NAV1: variants seen among roughly 807,000 people sequenced by gnomAD.
The protein encoded by NAV1 is pore membrane and/or filament interacting like protein 3.
In NAV1, 18 loss-of-function variants were observed where a neutral mutation model predicts 175.2. The ratio of observed to expected loss-of-function variants is 0.10; its 90% CI spans 0.07 to 0.15. The LOEUF is 0.15. Ranked by LOEUF, NAV1 falls within the 10% of genes least tolerant of loss-of-function variation. NAV1 has a pLI of 1.00. For synonymous variants in NAV1, 897 were observed against 978.7 expected, an observed-to-expected ratio of 0.92 and a Z score of 1.56; for missense variants, 1,731 against 2,436.6, an observed-to-expected ratio of 0.71 and a Z score of 6.10.
Position 201,671,917 on chromosome 1 carries a change from G to A in NAV1, c.757+22492G>A, listed in dbSNP as rs183877906. Among the ~76,000 whole-genome samples the A allele has an allele frequency of 2.0e-5, 3 of 152,290 alleles. No individual in the cohort carries two copies. The East Asian group carries it at 5.8e-4, about 29-fold the overall frequency. ...TCCACAAGGAGCAGGCCCAGCTTAGGGTAAAATGTCAGAGATATAAGACTC... is the reference window on the plus strand; with the variant it reads ...TCCACAAGGAGCAGGCCCAGCTTAGAGTAAAATGTCAGAGATATAAGACTC... On this transcript the variant is annotated intron_variant, in intron 1 of 29. Coordinates refer to ENST00000367296, the Ensembl canonical transcript of NAV1.
intron 1 of NAV1, among the ~76,000 whole-genome samples, chr1:201,672,254 G>T (rs1175636304): frequency 6.6e-6 from 1 of 152,148 alleles, no homozygotes; most frequent in Non-Finnish European, 1.5e-5. Flanking sequence ...ATATATTTAA[G>T]TTTTTTGTAT....
intron 3 of NAV1, chr1:201,724,591 A>G (rs1672523985): frequency 6.6e-6 from 1 of 152,466 alleles, no homozygotes; most frequent in Admixed American, 6.5e-5. Context: ...TTCACATTAC[A>G]TAGAGGTGTG....
At chr1:201,576,629 C>T (rs1033071286) in intron 1 of NAV1, among the ~76,000 whole-genome samples, 1 of 152,002 alleles carries the variant, frequency 6.6e-6, no homozygotes, top group Admixed American at 6.6e-5. Context: ...TTTGTGTGAA[C>T]ATAACTCTTC....
chr1:201,581,444 G>A (rs1666856075), intron 1 of NAV1, among the ~76,000 whole-genome samples: 1 of 152,238 alleles, frequency 6.6e-6, no homozygotes, highest in South Asian at 2.1e-4. Flanking sequence ...GAGCATCCCA[G>A]TAAGGATGTC....
At chr1:201,669,310 G>C (rs1052402592) in intron 1 of NAV1, among the ~76,000 whole-genome samples, 8 of 152,220 alleles carry the variant, frequency 5.3e-5, no homozygotes, top group Non-Finnish European at 7.3e-5. Flanking sequence ...GGCTGGGCCA[G>C]GGAGGGCTTC....
chr1:201,649,715 C>T (rs1480163781), intron 1 of NAV1, among the ~76,000 whole-genome samples: 1 of 152,194 alleles, frequency 6.6e-6, no homozygotes, highest in African/African-American at 2.4e-5. Flanking sequence ...GGGTTACAGG[C>T]TCTCAGAAAT....
intron 1 of NAV1, among the ~76,000 whole-genome samples, chr1:201,551,050 G>C (rs1367888941): frequency 2.6e-5 from 4 of 152,204 alleles, no homozygotes; most frequent in Non-Finnish European, 4.4e-5. Context: ...AGGTGGGCAG[G>C]ACAAATATTT....
intron 3 of NAV1, among the ~76,000 whole-genome samples, chr1:201,736,395 T>G (rs1304453410): frequency 1.3e-5 from 2 of 152,160 alleles, no homozygotes; most frequent in African/African-American, 4.8e-5. Context: ...AGTCTTTCCC[T>G]TTTTTTCTTA....
chr1:201,717,925 C>T (rs1482802633), intron 2 of NAV1, among the ~76,000 whole-genome samples: 1 of 152,238 alleles, frequency 6.6e-6, no homozygotes, highest in Non-Finnish European at 1.5e-5. Flanking sequence ...ACCAGTCTCT[C>T]CCACTTGCCT....
At chr1:201,791,480 C>T (rs1275673040) in intron 13 of NAV1, 2 of 140,136 alleles carry the variant, frequency 1.4e-5, no homozygotes, top group African/African-American at 5.4e-5. Flanking sequence ...GTACTTTCTC[C>T]CCTGTGACTG....
intron 1 of NAV1, among the ~76,000 whole-genome samples, chr1:201,687,551 T>C (rs1042158623): frequency 2.0e-5 from 3 of 152,248 alleles, no homozygotes; most frequent in African/African-American, 7.2e-5. Flanking sequence ...TCTACTTTAA[T>C]CTTCCTAATA....
Position 201,809,940 on chromosome 1 carries a change from T to C in NAV1, c.4402-6T>C. The C allele has an allele frequency of 6.2e-7, 1 of 1,605,264 alleles. No individual in the cohort carries two copies. The highest frequency in any genetic ancestry group is 8.5e-7 in the Non-Finnish European group (1 of 1,174,366). The stretch of plus-strand genomic sequence containing the variant: ...TTCTTCTTCTTCTGCCTGTCTTTTC[T>C]GTCAGGACTATATTTCTAAAATGGA... On this transcript the variant is annotated splice_region_variant and splice_polypyrimidine_tract_variant and intron_variant, in intron 22 of 29. Coordinates refer to ENST00000367296, the Ensembl canonical transcript of NAV1.
intron 1 of NAV1, among the ~76,000 whole-genome samples, chr1:201,668,415 G>A (rs1009684474): frequency 2.6e-5 from 4 of 152,156 alleles, no homozygotes; most frequent in East Asian, 3.9e-4. Context: ...ACAGAGAACC[G>A]TGTGCCATGG....
At chr1:201,649,447 C>G in intron 1 of NAV1, 22 bp downstream of exon 5, 4 of 1,483,092 alleles carry the variant, frequency 2.7e-6, no homozygotes, top group Non-Finnish European at 3.6e-6. Context: ...CGCCCCGCCC[C>G]GCCCCGCCCC....
chr1:201,806,087 C>A (rs1370932078), intron 17 of NAV1, among the ~76,000 whole-genome samples: 2 of 151,438 alleles, frequency 1.3e-5, no homozygotes, highest in East Asian at 3.9e-4. Flanking sequence ...CGGGTTCAAG[C>A]AATTCTCCTG....
At chr1:201,581,072 G>A (rs534924016) in intron 1 of NAV1, among the ~76,000 whole-genome samples, 1 of 152,312 alleles carries the variant, frequency 6.6e-6, no homozygotes, top group African/African-American at 2.4e-5. Context: ...AACAGGAGAA[G>A]TTAGCAGAGG....
At chr1:201,608,920 T>A (rs1667769253) in intron 2 of NAV1, among the ~76,000 whole-genome samples, 2 of 152,178 alleles carry the variant, frequency 1.3e-5, no homozygotes, top group South Asian at 4.1e-4. Flanking sequence ...TGAGGGAGGC[T>A]GCTGGAGCCA....
chr1:201,785,825 C>T (rs889212774), intron 8 of NAV1, among the ~76,000 whole-genome samples: 2 of 127,682 alleles, frequency 1.6e-5, no homozygotes, highest in Admixed American at 1.0e-4. Context: ...CGGAGTCTCG[C>T]TCTGTCACCC....
At chr1:201,677,278 G>T (rs1235211241) in intron 1 of NAV1, among the ~76,000 whole-genome samples, 1 of 148,528 alleles carries the variant, frequency 6.7e-6, no homozygotes, top group Non-Finnish European at 1.5e-5. Flanking sequence ...AAGAATTGCT[G>T]GCGGCTGGCA....
Sources: gnomAD v4.1 joint callset for allele counts (sites outside exome capture counted in the v4.1 genomes callset) on GRCh38, gnomAD v4.1.1 for gene constraint, MANE v1.5 for transcripts, NCBI Gene and HGNC (gene_info 2026-07-23, HGNC 2026-07-21) for gene names.